The following MYO5B variants were observed in gnomAD, a reference collection of about 807,000 sequenced individuals.
The protein encoded by MYO5B is myosin VB.
MYO5B carries 143 observed loss-of-function variants against 229.3 expected under a neutral mutation model. That is an observed-to-expected ratio of 0.62 (90% CI 0.54 to 0.72). The LOEUF (loss-of-function observed/expected upper bound fraction) is 0.72, where lower values mean the gene tolerates loss of function less well. MYO5B is among the 30% of genes least tolerant of loss of function. The pLI is 0.00. For synonymous variants in MYO5B, 918 were observed against 885.2 expected (o/e 1.04, Z -0.66); for missense variants, 2,321 against 2,331.0 (o/e 1.00, Z 0.09).
intron 14 of MYO5B, among the ~76,000 whole-genome samples, chr18:49,952,517 C>T (rs2025441124): frequency 6.6e-6 from 1 of 152,172 alleles, no homozygotes; most frequent in Non-Finnish European, 1.5e-5. Context: ...CACTCACAGC[C>T]CATTAGAAGG....
At chr18:50,072,863 G>T (rs1280661503) in intron 1 of MYO5B, among the ~76,000 whole-genome samples, 4 of 151,978 alleles carry the variant, frequency 2.6e-5, no homozygotes, top group Non-Finnish European at 5.9e-5. Context: ...AGAGAACTTG[G>T]CCTGCAAGAC....
At chr18:50,064,576 A>G (rs1375088824) in intron 1 of MYO5B, 1 of 152,204 alleles carries the variant, frequency 6.6e-6, no homozygotes, top group Non-Finnish European at 1.5e-5. Context: ...CTTCATTTTC[A>G]AAGCTCACTG....
intron 39 of MYO5B, among the ~76,000 whole-genome samples, chr18:49,832,880 G>A (rs187082324): frequency 1.5e-3 from 223 of 152,258 alleles, no homozygotes; most frequent in African/African-American, 5.2e-3. Context: ...GTGTGGCCTG[G>A]CAGAATGATT....
At chr18:49,890,734 G>T (rs1281200781) in intron 22 of MYO5B, among the ~76,000 whole-genome samples, 1 of 152,184 alleles carries the variant, frequency 6.6e-6, no homozygotes, top group Non-Finnish European at 1.5e-5. Context: ...TTGATGCTGT[G>T]CAGTTACCAC....
intron 1 of MYO5B, among the ~76,000 whole-genome samples, chr18:50,102,396 G>C (rs1329643716): frequency 1.3e-5 from 2 of 151,748 alleles, no homozygotes; most frequent in African/African-American, 4.8e-5. Flanking sequence ...TCTTAGAAAA[G>C]GAAGACAGAT....
chr18:50,069,152 A>C (rs552166595), intron 1 of MYO5B, among the ~76,000 whole-genome samples: 9 of 152,222 alleles, frequency 5.9e-5, no homozygotes, highest in African/African-American at 2.2e-4. Context: ...AAATGGGTAA[A>C]AGGGCAATGT....
chr18:50,120,884 A>G (rs907232), intron 1 of MYO5B, among the ~76,000 whole-genome samples: 93,698 of 151,982 alleles, frequency 0.62, 29,036 homozygotes, highest in Admixed American at 0.69. Context: ...CCTGCACGCC[A>G]TTTAAAAGGC....
chr18:49,984,658 A>G (rs1248211165), intron 8 of MYO5B, 60 bp downstream of exon 8: 1 of 1,329,574 alleles, frequency 7.5e-7, no homozygotes, highest in African/African-American at 1.4e-5. Flanking sequence ...ATCGCCTTGC[A>G]TTCTACCCTC....
Position 49,992,376 on chromosome 18 carries a change from T to C in MYO5B, c.668A>G (p.Tyr223Cys), listed in dbSNP as rs1274282112. The C allele has an allele frequency of 6.2e-7, 1 of 1,614,072 alleles. No homozygotes were observed. Among genetic ancestry groups the C allele is most frequent in the African/African-American group, 1.3e-5 (1 of 74,926 alleles). The change falls in exon 6 of 40, where the codon TAC (tyrosine) becomes TGC (cysteine). Residue 223 changes from tyrosine (Y) to cysteine (C), a missense_variant. Tyr to Cys is a radical substitution (Grantham distance 194). Transcript: ENST00000285039. ...CCTTTTGTCAAAGCCAATCTGGATG[T>C]ACTTGCCAAAACGGCTGCTGTTGTC... Reference protein sequence around the residue: ...RNDNSSRFGKYIQIGFDKRYH... With the variant: ...RNDNSSRFGKCIQIGFDKRYH...
chr18:50,097,969 A>C (rs1398018280), intron 1 of MYO5B, among the ~76,000 whole-genome samples: 1 of 152,198 alleles, frequency 6.6e-6, no homozygotes, highest in Non-Finnish European at 1.5e-5. Context: ...AAACAAAGAA[A>C]CTACACACTG....
intron 21 of MYO5B, among the ~76,000 whole-genome samples, chr18:49,900,989 G>C (rs2024835240): frequency 6.6e-6 from 1 of 152,176 alleles, no homozygotes; most frequent in African/African-American, 2.4e-5. Context: ...TGTGACTTTG[G>C]CAAGGGACTT....
At chr18:50,066,723 T>C (rs1253888459) in intron 1 of MYO5B, among the ~76,000 whole-genome samples, 1 of 152,224 alleles carries the variant, frequency 6.6e-6, no homozygotes, top group African/African-American at 2.4e-5. Context: ...ATCTGCTGCT[T>C]AAATTACTAT....
chr18:50,009,851 G>A (rs2026143937), intron 4 of MYO5B, among the ~76,000 whole-genome samples: 1 of 152,238 alleles, frequency 6.6e-6, no homozygotes, highest in African/African-American at 2.4e-5. Context: ...AAGGAGATGT[G>A]TCTCAGGCAC....
At chr18:49,909,826 C>A (rs1371522520) in intron 18 of MYO5B, among the ~76,000 whole-genome samples, 1 of 152,260 alleles carries the variant, frequency 6.6e-6, no homozygotes, top group East Asian at 1.9e-4. Context: ...AAAAGCATTG[C>A]AGGCAGAGGA....
At chr18:49,956,536 A>C (rs890665507) in intron 12 of MYO5B, among the ~76,000 whole-genome samples, 8 of 152,246 alleles carry the variant, frequency 5.3e-5, no homozygotes, top group Non-Finnish European at 1.2e-4. Flanking sequence ...ATCTCCAAAA[A>C]TCTTTCCATA....
chr18:49,919,491 T>C (rs181180041), intron 17 of MYO5B, among the ~76,000 whole-genome samples: 53 of 152,096 alleles, frequency 3.5e-4, no homozygotes, highest in African/African-American at 1.3e-3. Context: ...AGAAGACAAG[T>C]AATCCAATAA....
rs368951466 is a variant in MYO5B at position 49,864,148 on chromosome 18, C to G, written c.3836G>C (p.Arg1279Thr). ...GGGCCGCCATCTTGTTACCGCGTTC[C>G]TGCCGGCGAGTCGCCGCTGGTCGGC... ...VSADQRRLAG[R>T]NAEPNINARS... The change falls in exon 28 of 40, where the codon AGG becomes ACG. Residue 1279 changes from arginine to threonine, a missense_variant. By Grantham distance (71) the Arg-to-Thr change is moderately conservative (BLOSUM62 -1). Coordinates refer to ENST00000285039, the MANE Select transcript of MYO5B (RefSeq NM_001080467.3). The G allele has an allele frequency of 6.2e-7, 1 of 1,608,906 alleles. No homozygotes were observed. Among genetic ancestry groups the G allele is most frequent in the African/African-American group, 1.3e-5 (1 of 74,952 alleles).
chr18:49,829,145 G>C (rs1042158706), intron 39 of MYO5B, among the ~76,000 whole-genome samples: 2 of 150,002 alleles, frequency 1.3e-5, no homozygotes, highest in Non-Finnish European at 3.0e-5. Context: ...GCAGTGGTGT[G>C]ATCTCTGCTC....
At chr18:50,160,146 C>T (rs190945218) in intron 1 of MYO5B, among the ~76,000 whole-genome samples, 1 of 152,252 alleles carries the variant, frequency 6.6e-6, no homozygotes, top group African/African-American at 2.4e-5. Context: ...GAATATCCAC[C>T]GTAAGCATGG....
Sources: allele counts gnomAD v4.1 joint callset (sites outside exome capture counted in the v4.1 genomes callset), GRCh38; gene constraint gnomAD v4.1.1; transcripts MANE v1.5; gene names NCBI Gene and HGNC (gene_info 2026-07-23, HGNC 2026-07-21).